The following RTN4R variants were observed in gnomAD, a reference collection of about 807,000 sequenced individuals.
RTN4R encodes reticulon-4 receptor.
In RTN4R, 4 loss-of-function variants were observed where a neutral mutation model predicts 27.7. The ratio of observed to expected loss-of-function variants is 0.14; its 90% confidence interval spans 0.07 to 0.33. The LOEUF (loss-of-function observed/expected upper bound fraction) is 0.33. Among genes scored for constraint, RTN4R ranks in the 10% least tolerant of loss-of-function variants. The pLI is 1.00. For synonymous variants in RTN4R, 290 were observed against 305.6 expected (o/e 0.95, Z 0.53); for missense variants, 554 against 671.5 (o/e 0.83, Z 1.93).
rs576939822 is a variant in RTN4R at position 20,242,453 on chromosome 22, C to T, written c.680G>A (p.Arg227His). 5.1e-5 allele frequency: 83 copies of T among 1,613,600 alleles called. No homozygotes were observed. The highest frequency in any genetic ancestry group is 3.2e-4 in the South Asian group (29 of 91,088). Reference protein sequence around the residue: ...VHPHAFRDLGRLMTLYLFANN... With the variant: ...VHPHAFRDLGHLMTLYLFANN... The stretch of plus-strand genomic sequence containing the variant: ...GGCAAACAGATAGAGTGTCATGAGG[C>T]GGCCAAGGTCACGGAAGGCATGCGG... Residue 227 changes from arginine to histidine, a missense_variant, in exon 2 of 2, where the codon CGC becomes CAC. By Grantham distance (29) the Arg-to-His change is conservative. Around this residue, in one of 2 missense-constraint regions of RTN4R, gnomAD observed 413 missense variants for 542.3 expected, o/e 0.76. Transcript: ENST00000043402.
intron 1 of RTN4R, among the ~76,000 whole-genome samples, chr22:20,252,021 TCCC>T (rs2051186003): frequency 1.4e-4 from 1 of 7,400 alleles, no homozygotes; most frequent in South Asian, 4.1e-3. Flanking sequence ...ATCACCATCA[TCCC>T]ATCACTATCA....
intron 1 of RTN4R, among the ~76,000 whole-genome samples, chr22:20,261,908 A>G (rs2051249758): frequency 6.6e-6 from 1 of 152,232 alleles, no homozygotes; most frequent in Non-Finnish European, 1.5e-5. Context: ...GGCCCTGAGA[A>G]CGAAGGGGCC....
At chr22:20,258,605 G>A (rs1415088637) in intron 1 of RTN4R, among the ~76,000 whole-genome samples, 3 of 152,160 alleles carry the variant, frequency 2.0e-5, no homozygotes, top group African/African-American at 7.2e-5. Context: ...CAGAAAGTGA[G>A]CCACGGGGGG....
chr22:20,242,815 G>A lies in RTN4R; in HGVS notation c.318C>T (p.Leu106=). Residue 106 remains leucine, a synonymous_variant, in exon 2 of 2, where the codon CTC becomes CTT. Transcript: ENST00000043402. ...IDAAAFTGLA[L]LEQLDLSDNA... ...TATCGCTGAGGTCCAGCTGCTCCAG[G>A]AGGGCCAGGCCAGTGAAGGCAGCCG... is the stretch of plus-strand genomic sequence containing the variant. The A allele has an allele frequency of 1.2e-6, 2 of 1,613,030 alleles. No homozygotes were observed. Among genetic ancestry groups the A allele is most frequent in the Non-Finnish European group, 1.7e-6 (2 of 1,179,942 alleles).
chr22:20,242,042 G>A lies in RTN4R; in HGVS notation c.1091C>T (p.Pro364Leu), dbSNP rs765934305. The A allele has an allele frequency of 9.9e-6, 16 of 1,612,140 alleles. No individual in the cohort carries two copies. The highest frequency in any genetic ancestry group is 3.3e-5 in the Admixed American group (2 of 59,990). The change falls in exon 2 of 2, where the codon CCG becomes CTG. Residue 364 changes from proline to leucine, a missense_variant. Physicochemically the swap from Pro to Leu is moderately conservative, Grantham distance 98. Transcript: ENST00000043402. ...SAGNALKGRV[P>L]PGDSPPGNGS... Reference sequence around the variant, plus strand: ...GTTGCCCGGCGGGCTGTCACCGGGCGGCACGCGTCCCTTCAGCGCATTGCC... The same window carrying A: ...GTTGCCCGGCGGGCTGTCACCGGGCAGCACGCGTCCCTTCAGCGCATTGCC...
chr22:20,244,597 G>A (rs2051129168), intron 1 of RTN4R, among the ~76,000 whole-genome samples: 1 of 152,200 alleles, frequency 6.6e-6, no homozygotes, highest in Non-Finnish European at 1.5e-5. Context: ...GCTGGGTGAG[G>A]AAAGCACCTG....
chr22:20,267,519 C>A (rs2051285086), intron 1 of RTN4R: 1 of 434,216 alleles, frequency 2.3e-6, no homozygotes, highest in Non-Finnish European at 4.8e-6. Context: ...CCTCCTCTCA[C>A]CGCCCGCCCT....
intron 1 of RTN4R, among the ~76,000 whole-genome samples, chr22:20,245,927 G>C (rs1239840703): frequency 6.6e-6 from 1 of 152,128 alleles, no homozygotes; most frequent in African/African-American, 2.4e-5. Flanking sequence ...CCTGTCCACC[G>C]TCCCCACCCA....
intron 1 of RTN4R, among the ~76,000 whole-genome samples, chr22:20,253,935 G>A (rs143901284): frequency 8.0e-4 from 122 of 152,254 alleles, no homozygotes; most frequent in African/African-American, 2.7e-3. Context: ...AATGAGATTT[G>A]GGAGACAAAT....
rs1275308943 is a variant in RTN4R at position 20,241,491 on chromosome 22, G to A, written c.*220C>T. On this transcript the variant is annotated 3_prime_UTR_variant, in exon 2 of 2. Coordinates refer to ENST00000043402, the MANE Select transcript of RTN4R (RefSeq NM_023004.6). ...AATAAAATGCATATCTCTATATACC[G>A]CGATCTGGGTGGGAGGCGGCGTTCT... The A allele has an allele frequency of 1.9e-5, 11 of 593,194 alleles. No individual in the cohort carries two copies. Among genetic ancestry groups the A allele is most frequent in the East Asian group, 2.8e-5 (1 of 35,794 alleles). The allele number at this position is 593,194 out of a possible 1,614,324, so 36.7% of individuals were successfully genotyped here.
rs2051291142 is a variant in RTN4R at position 20,268,221 on chromosome 22, C to T, written c.-129G>A. ...GCCCCGGCCCGGCCGCGGGACGAGG[C>T]TCGGCGCGCTCCGCTCCGCCCGGCT... is the stretch of plus-strand genomic sequence containing the variant. On this transcript the variant is annotated 5_prime_UTR_variant, in exon 1 of 2. Transcript: ENST00000043402. The T allele has an allele frequency of 5.3e-6, 1 of 190,004 alleles. No homozygotes were observed. The highest frequency in any genetic ancestry group is 8.0e-6 in the Non-Finnish European group (1 of 124,742). 11.8% of individuals were successfully genotyped at this position (190,004 alleles called of 1,614,324 possible). A position where few individuals can be genotyped will look rare whatever the true frequency, so the allele number is the denominator to read the frequency against.
At chr22:20,247,959 G>A (rs567129502) in intron 1 of RTN4R, among the ~76,000 whole-genome samples, 1 of 152,302 alleles carries the variant, frequency 6.6e-6, no homozygotes, top group Non-Finnish European at 1.5e-5. Context: ...TGCCCTGGCC[G>A]GCAGGGCTCG....
At chr22:20,254,765 T>G (rs766941829) in intron 1 of RTN4R, among the ~76,000 whole-genome samples, 1 of 152,028 alleles carries the variant, frequency 6.6e-6, no homozygotes, top group Non-Finnish European at 1.5e-5. Flanking sequence ...GCAGGACAAG[T>G]GCTTGGGGTG....
chr22:20,267,419 T>C lies in RTN4R; in HGVS notation c.22+652A>G, dbSNP rs534469981. On this transcript the variant is annotated intron_variant, in intron 1 of 1. Coordinates refer to ENST00000043402, the MANE Select transcript of RTN4R (RefSeq NM_023004.6). Reference sequence around the variant, plus strand: ...GGCGGGGGAGTCCCACGAGGGCTGCTAGGGAGGGGTTGCTGATTGCCCCAC... The same window carrying C: ...GGCGGGGGAGTCCCACGAGGGCTGCCAGGGAGGGGTTGCTGATTGCCCCAC... Among the ~76,000 whole-genome samples the C allele has an allele frequency of 7.9e-5, 12 of 152,258 alleles. No homozygotes were observed. The South Asian group carries it at 1.9e-3, about 24-fold the overall frequency.
At chr22:20,266,278 G>T (rs1021325332) in intron 1 of RTN4R, among the ~76,000 whole-genome samples, 4 of 152,240 alleles carry the variant, frequency 2.6e-5, no homozygotes, top group Non-Finnish European at 5.9e-5. Flanking sequence ...TGAGCCTCTG[G>T]TGGTGGCCAG....
At chr22:20,264,953 G>T (rs1280601326) in intron 1 of RTN4R, among the ~76,000 whole-genome samples, 2 of 152,202 alleles carry the variant, frequency 1.3e-5, no homozygotes, top group African/African-American at 4.8e-5. Context: ...GCTCACACAC[G>T]CATTTGTTCA....
chr22:20,242,258 C>A lies in RTN4R; in HGVS notation c.875G>T (p.Arg292Leu). 1 of 1,598,806 alleles carries A rather than the reference C, an allele frequency of 6.3e-7. No individual in the cohort carries two copies. Residue 292 changes from arginine (R) to leucine (L), a missense_variant, in exon 2 of 2, where the codon CGC (arginine) becomes CTC (leucine). Arg to Leu is a moderately radical substitution (Grantham distance 102, BLOSUM62 -2). Transcript: ENST00000043402. The part of the protein sequence containing the change: ...SSEVPCSLPQ[R>L]LAGRDLKRLA... ...GCGTTTGAGGTCACGGCCAGCCAGG[C>A]GTTGCGGGAGGCTGCAGGGCACCTC...
In RTN4R at chr22:20,243,096, C is replaced by T; in HGVS notation, c.37G>A (p.Ala13Thr). 1 of 1,599,630 alleles carries T rather than the reference C, an allele frequency of 6.3e-7. No individual in the cohort carries two copies. The highest frequency in any genetic ancestry group is 8.5e-7 in the Non-Finnish European group (1 of 1,179,782). The change falls in exon 2 of 2, where the codon GCA (alanine) becomes ACA (threonine). Residue 13 changes from alanine to threonine, a missense_variant. Ala to Thr is a moderately conservative substitution (Grantham distance 58). This residue lies in a region of RTN4R where 413 missense variants were observed against 542.3 expected (regional missense o/e 0.76). Transcript: ENST00000043402. ...RASAGGSRLL[A>T]WVLWLQAWQV... is the part of the protein sequence containing the mutation. The stretch of plus-strand genomic sequence containing the variant: ...CAGGCCTGCAGCCACAGCACCCATG[C>T]CAGCAGCCGGCTCCCTGTGGGCAGA...
intron 1 of RTN4R, 71 bp downstream of exon 1, chr22:20,268,000 C>T: frequency 2.1e-6 from 2 of 945,416 alleles, no homozygotes; most frequent in Non-Finnish European, 2.7e-6. Context: ...CCTGCGGCTC[C>T]GGGGAGGGGG....
Sources: allele counts gnomAD v4.1 joint callset (sites outside exome capture counted in the v4.1 genomes callset), GRCh38; gene constraint gnomAD v4.1.1; regional missense constraint gnomAD v4.1.1; transcripts MANE v1.5; gene names NCBI Gene and HGNC (gene_info 2026-07-23, HGNC 2026-07-21).